Variants in CNIH3 observed in about 807,000 individuals in gnomAD.
CNIH3 encodes cornichon family AMPA receptor auxiliary protein 3.
In CNIH3, 14 loss-of-function variants were observed where a neutral mutation model predicts 24.1. The ratio of observed to expected loss-of-function variants is 0.58; its 90% CI spans 0.38 to 0.91. CNIH3 has a LOEUF of 0.91. Among genes scored for constraint, CNIH3 ranks in the 40% least tolerant of loss-of-function variants. The pLI is 0.00. For synonymous variants in CNIH3, 68 were observed against 73.8 expected (o/e 0.92, Z 0.40); for missense variants, 178 against 196.8 (o/e 0.90, Z 0.57).
At chr1:224,501,697 C>CA in intron 1 of CNIH3, among the ~76,000 whole-genome samples, 1 of 151,948 alleles carries the variant, frequency 6.6e-6, no homozygotes, top group South Asian at 2.1e-4. Context: ...TTTCCTGTCT[C>CA]AGCCTCTGGA....
At chr1:224,607,290 G>A (rs1372516039) in intron 3 of CNIH3, among the ~76,000 whole-genome samples, 1 of 152,124 alleles carries the variant, frequency 6.6e-6, no homozygotes, top group Non-Finnish European at 1.5e-5. Flanking sequence ...GACACACCCA[G>A]GAAAAAGGGA....
intron 1 of CNIH3, among the ~76,000 whole-genome samples, chr1:224,441,931 ACTCTTAG>A (rs1180525462): frequency 1.3e-5 from 2 of 151,966 alleles, no homozygotes; most frequent in African/African-American, 4.8e-5. Context: ...CAAAACAATA[ACTCTTAG>A]CTTCTTGTGG....
upstream of CNIH3, among the ~76,000 whole-genome samples, chr1:224,514,139 A>T (rs1678284663): frequency 6.6e-6 from 1 of 152,226 alleles, no homozygotes. Context: ...AAGCCACTTC[A>T]TTCATCTTCT....
chr1:224,588,967 TG>T (rs1189126019), downstream of CNIH3, among the ~76,000 whole-genome samples: 1,094 of 128,194 alleles, frequency 8.5e-3, 18 homozygotes, highest in African/African-American at 0.033. Flanking sequence ...CCTGACCCCC[TG>T]TTTTTTTTTT....
At chr1:224,655,850 T>C (rs979678445) in intron 1 of CNIH3, among the ~76,000 whole-genome samples, 2 of 152,022 alleles carry the variant, frequency 1.3e-5, no homozygotes, top group Non-Finnish European at 2.9e-5. Context: ...TAACTATGCA[T>C]GGGAAAGCAG....
chr1:224,614,948 T>TAAAC (rs1572586506), upstream of CNIH3, among the ~76,000 whole-genome samples: 1 of 57,598 alleles, frequency 1.7e-5, no homozygotes, highest in Non-Finnish European at 3.5e-5. Flanking sequence ...AATAAATAAA[T>TAAAC]AAATAAATAA....
Position 224,506,343 on chromosome 1 carries a change from G to T in CNIH3, n.204-9398G>T, listed in dbSNP as rs1032880040. On this transcript the variant is annotated intron_variant and non_coding_transcript_variant, in intron 1 of 5. Coordinates refer to the CNIH3 transcript ENST00000471578. ...TGTCCCAGAACCGTGGGATGTAAAA[G>T]ACTTCAGGCACAGTGATGAAGCTAG... 3.3e-5 allele frequency among the ~76,000 whole-genome samples: 5 copies of T among 152,068 alleles called. No individual in the cohort carries two copies. The South Asian group carries it at 1.0e-3, about 32-fold the overall frequency.
chr1:224,502,143 C>T (rs1677701504), intron 1 of CNIH3, among the ~76,000 whole-genome samples: 1 of 152,084 alleles, frequency 6.6e-6, no homozygotes, highest in East Asian at 1.9e-4. Context: ...AGATACGGCT[C>T]CCGGAGAGTG....
chr1:224,474,993 C>T (rs1000672106), intron 1 of CNIH3, among the ~76,000 whole-genome samples: 2 of 143,700 alleles, frequency 1.4e-5, no homozygotes, highest in Non-Finnish European at 3.0e-5. Context: ...TGCAGTGAGT[C>T]GAGATCGTGC....
chr1:224,451,931 A>G (rs1357760185), intron 1 of CNIH3, among the ~76,000 whole-genome samples: 1 of 152,180 alleles, frequency 6.6e-6, no homozygotes, highest in Non-Finnish European at 1.5e-5. Flanking sequence ...ACACTTCTGA[A>G]AAACAGATGG....
chr1:224,563,426 G>T (rs541164957), intron 3 of CNIH3, among the ~76,000 whole-genome samples: 1 of 151,796 alleles, frequency 6.6e-6, no homozygotes, highest in Admixed American at 6.6e-5. Flanking sequence ...GTTGGCAGAA[G>T]AAGGACAATA....
intron 1 of CNIH3, among the ~76,000 whole-genome samples, chr1:224,499,492 C>G (rs1343967725): frequency 1.3e-5 from 2 of 152,130 alleles, no homozygotes; most frequent in Admixed American, 6.5e-5. Flanking sequence ...CCCTTCCAGT[C>G]TATCTTTCAT....
At chr1:224,717,979 G>A (rs1011880912) in intron 3 of CNIH3, among the ~76,000 whole-genome samples, 3 of 152,128 alleles carry the variant, frequency 2.0e-5, no homozygotes, top group Non-Finnish European at 4.4e-5. Context: ...TGTGGGGAAC[G>A]ACCAAAGGAC....
intron 1 of CNIH3, among the ~76,000 whole-genome samples, chr1:224,618,324 T>C (rs960636343): frequency 6.6e-6 from 1 of 152,250 alleles, no homozygotes; most frequent in Non-Finnish European, 1.5e-5. Context: ...TTTAACAGCC[T>C]TGCCCTGCCC....
intron 4 of CNIH3, among the ~76,000 whole-genome samples, chr1:224,732,889 G>A (rs1689410115): frequency 6.6e-6 from 1 of 151,748 alleles, no homozygotes; most frequent in African/African-American, 2.4e-5. Flanking sequence ...CCTTTTTTTT[G>A]AATCCCTGAC....
At chr1:224,513,323 T>G (rs1391597524), upstream of CNIH3, among the ~76,000 whole-genome samples, 1 of 139,808 alleles carries the variant, frequency 7.2e-6, no homozygotes, top group Non-Finnish European at 1.6e-5. Context: ...TAATTTTTTT[T>G]TTTAATTTTT....
intron 1 of CNIH3, among the ~76,000 whole-genome samples, chr1:224,471,604 T>G (rs1226917237): frequency 1.3e-5 from 2 of 151,870 alleles, no homozygotes; most frequent in African/African-American, 2.4e-5. Context: ...TTTTTTTTTT[T>G]TTTTGAGATG....
At chr1:224,607,887 T>G (rs2125048144) in intron 3 of CNIH3, among the ~76,000 whole-genome samples, 1 of 152,312 alleles carries the variant, frequency 6.6e-6, no homozygotes, top group South Asian at 2.1e-4. Context: ...TTAGTGAGTT[T>G]CTGGGCCTGA....
intron 1 of CNIH3, among the ~76,000 whole-genome samples, chr1:224,435,486 A>G (rs1488804910): frequency 6.6e-6 from 1 of 152,194 alleles, no homozygotes; most frequent in East Asian, 1.9e-4. Context: ...TGTGGTGTGT[A>G]GAGAAGGGGA....
Sources: gnomAD v4.1 joint callset for allele counts (sites outside exome capture counted in the v4.1 genomes callset) on GRCh38, gnomAD v4.1.1 for gene constraint, MANE v1.5 for transcripts, NCBI Gene and HGNC (gene_info 2026-07-23, HGNC 2026-07-21) for gene names.